The following HLA-G variants were observed in gnomAD, a reference collection of about 807,000 sequenced individuals.
HLA-G encodes major histocompatibility complex, class I, G.
HLA-G carries 34 observed loss-of-function variants against 39.3 expected under a neutral mutation model. The ratio of observed to expected loss-of-function variants is 0.86; its 90% confidence interval spans 0.66 to 1.15. The LOEUF (loss-of-function observed/expected upper bound fraction) is 1.15. HLA-G is among the 50% of genes most tolerant of loss of function. HLA-G has a pLI of 0.00. For missense variants in HLA-G, 419 were observed against 456.4 expected (o/e 0.92, Z 0.75); for synonymous variants, 183 against 185.8 (o/e 0.99, Z 0.12).
chr6:29,827,037 G>A, upstream of HLA-G: 1 of 525,998 alleles, frequency 1.9e-6, no homozygotes, highest in Non-Finnish European at 3.9e-6. Context: ...TAGGGCTACG[G>A]AATGAAGGTA....
rs775674432 is a variant in HLA-G, at chr6:29,829,581, G to A, written c.783G>A (p.Gly261=). Residue 261 remains glycine, a synonymous_variant, in exon 4 of 7, where the codon GGG becomes GGA. Coordinates refer to ENST00000360323, the MANE Select transcript of HLA-G (RefSeq NM_001384290.1). ...DVELVETRPA[G]DGTFQKWAAV... is the part of the protein sequence containing the mutation. Reference sequence around the variant, plus strand: ...AGCTCGTGGAGACCAGGCCTGCAGGGGATGGAACCTTCCAGAAGTGGGCAG... The same window carrying A: ...AGCTCGTGGAGACCAGGCCTGCAGGAGATGGAACCTTCCAGAAGTGGGCAG... The A allele has an allele frequency of 1.2e-6, 2 of 1,613,970 alleles. No individual in the cohort carries two copies. Among genetic ancestry groups the A allele is most frequent in the South Asian group, 2.2e-5 (2 of 91,082 alleles).
chr6:29,826,636 A>G (rs1407040867), upstream of HLA-G, among the ~76,000 whole-genome samples: 2 of 152,194 alleles, frequency 1.3e-5, no homozygotes, highest in Non-Finnish European at 2.9e-5. Flanking sequence ...AGGTGAGGAA[A>G]AGGAGCAGAG....
upstream of HLA-G, chr6:29,827,729 C>T: frequency 1.9e-6 from 2 of 1,056,442 alleles, no homozygotes; most frequent in Admixed American, 1.9e-5. Flanking sequence ...CCGGGCGGCC[C>T]CAGTTCTCAC....
chr6:29,828,355 ACC>A, intron 2 of HLA-G, 39 bp downstream of exon 2: 2 of 1,575,264 alleles, frequency 1.3e-6, no homozygotes, highest in East Asian at 2.3e-5. Context: ...CACGACCCCC[ACC>A]TCCATGCCCC....
intron 2 of HLA-G, 80 bp from the exon 3 acceptor site, chr6:29,828,463 G>T: frequency 6.4e-7 from 1 of 1,564,736 alleles, no homozygotes; most frequent in Admixed American, 1.8e-5. Flanking sequence ...ACCCCAAGGC[G>T]CCTTTACCAA....
chr6:29,826,666 A>G (rs1736935), upstream of HLA-G, among the ~76,000 whole-genome samples: 82,517 of 151,988 alleles, frequency 0.54, 22,823 homozygotes, highest in South Asian at 0.69. Context: ...CCAAAGCAGC[A>G]GAACTCTTAG....
intron 2 of HLA-G, 32 bp downstream of exon 2, chr6:29,828,348 G>A: frequency 6.4e-7 from 1 of 1,555,460 alleles, no homozygotes. Context: ...AGCAGATCAC[G>A]ACCCCCACCT....
Position 29,828,762 on chromosome 6 carries a change from G to C in HLA-G, c.563G>C (p.Cys188Ser). The C allele has an allele frequency of 6.2e-7, 1 of 1,614,086 alleles. No homozygotes were observed. Among genetic ancestry groups the C allele is most frequent in the South Asian group, 1.1e-5 (1 of 91,090 alleles). ...AGGAGAGCCTACCTGGAGGGCACGT[G>C]CGTGGAGTGGCTCCACAGATACCTG... ...EQRRAYLEGT[C>S]VEWLHRYLEN... Residue 188 changes from cysteine to serine, a missense_variant, in exon 3 of 7, where the codon TGC becomes TCC. By Grantham distance (112) the Cys-to-Ser change is moderately radical. Coordinates refer to ENST00000360323, the MANE Select transcript of HLA-G (RefSeq NM_001384290.1).
chr6:29,826,573 G>C (rs1385034352), upstream of HLA-G, among the ~76,000 whole-genome samples: 1 of 152,226 alleles, frequency 6.6e-6, no homozygotes, highest in African/African-American at 2.4e-5. Flanking sequence ...GGATTAAGGG[G>C]AGAAGAGGGC....
intron 5 of HLA-G, 100 bp downstream of exon 5, chr6:29,830,032 A>C: frequency 2.3e-6 from 2 of 863,586 alleles, no homozygotes; most frequent in Non-Finnish European, 3.8e-6. Context: ...GGGAAGCACC[A>C]TCCACACTCA....
Position 29,829,872 on chromosome 6 carries a change from C to T in HLA-G, c.952C>T (p.Leu318Phe). Reference sequence around the variant, plus strand: ...GGGTATCGTTGCTGGCCTGGTTGTCCTTGCAGCTGTAGTCACTGGAGCTGC... The same window carrying T: ...GGGTATCGTTGCTGGCCTGGTTGTCTTTGCAGCTGTAGTCACTGGAGCTGC... ...IMGIVAGLVVLAAVVTGAAVA... is the reference protein window; with the variant it reads ...IMGIVAGLVVFAAVVTGAAVA... The change falls in exon 5 of 7, where the codon CTT becomes TTT. Residue 318 changes from leucine to phenylalanine, a missense_variant. This residue lies in a region of HLA-G where 328 missense variants were observed against 323.0 expected (regional missense o/e 1.02). Coordinates refer to ENST00000360323, the MANE Select transcript of HLA-G (RefSeq NM_001384290.1). 1 of 1,614,058 alleles carries T rather than the reference C, an allele frequency of 6.2e-7. No individual in the cohort carries two copies. Among genetic ancestry groups the T allele is most frequent in the Non-Finnish European group, 8.5e-7 (1 of 1,179,980 alleles).
chr6:29,827,561 G>A (rs548611139), upstream of HLA-G: 32 of 451,378 alleles, frequency 7.1e-5, no homozygotes, highest in Admixed American at 6.4e-4. Flanking sequence ...AGAACGCTTG[G>A]CACAAGAGTA....
At chr6:29,830,589 C>T (rs1458550686) in intron 6 of HLA-G, 179 bp downstream of exon 6, 42 of 763,436 alleles carry the variant, frequency 5.5e-5, no homozygotes, top group African/African-American at 3.6e-4. Flanking sequence ...GTGTCTCTCA[C>T]GGCTTGTAAA....
In HLA-G at chr6:29,830,489, C is replaced by T. The variant is rs1212789079; in HGVS notation, c.*28+79C>T. The T allele has an allele frequency of 2.4e-6, 3 of 1,232,120 alleles. No homozygotes were observed. In the African/African-American group the frequency reaches 4.5e-5, roughly 18 times the overall value. The allele number at this position is 1,232,120 out of a possible 1,614,324, so 76.3% of individuals were successfully genotyped here. A position where few individuals can be genotyped will look rare whatever the true frequency, so the allele number is the denominator to read the frequency against. On this transcript the variant is annotated intron_variant, in intron 6 of 6. Transcript: ENST00000360323. ...CCCATGGGGGAGCTCACCCACCCCA[C>T]AATTCCTCCTCTGGCCACATCTCCT...
chr6:29,828,722 A>G lies in HLA-G; in HGVS notation c.523A>G (p.Asn175Asp). Residue 175 changes from asparagine to aspartate, a missense_variant, in exon 3 of 7, where the codon AAT (asparagine) becomes GAT (aspartate). Around this residue, in one of 2 missense-constraint regions of HLA-G, gnomAD observed 328 missense variants for 323.0 expected, o/e 1.02. Coordinates refer to ENST00000360323, the MANE Select transcript of HLA-G (RefSeq NM_001384290.1). Reference sequence around the variant, plus strand: ...CTCCAAGCGCAAGTGTGAGGCGGCCAATGTGGCTGAACAAAGGAGAGCCTA... The same window carrying G: ...CTCCAAGCGCAAGTGTGAGGCGGCCGATGTGGCTGAACAAAGGAGAGCCTA... Reference protein sequence around the residue: ...QISKRKCEAANVAEQRRAYLE... With the variant: ...QISKRKCEAADVAEQRRAYLE... 2 of 1,613,772 alleles carry G rather than the reference A, an allele frequency of 1.2e-6. No homozygotes were observed. Among genetic ancestry groups the G allele is most frequent in the Non-Finnish European group, 1.7e-6 (2 of 1,180,016 alleles).
upstream of HLA-G, chr6:29,827,806 C>T (rs1381240392): frequency 6.3e-7 from 1 of 1,591,160 alleles, no homozygotes; most frequent in East Asian, 2.2e-5. Context: ...CTAAAGTCCT[C>T]GCTCACCCAC....
chr6:29,830,319 C>CT, intron 5 of HLA-G, 59 bp from the exon 6 acceptor site: 3 of 1,590,980 alleles, frequency 1.9e-6, no homozygotes, highest in Non-Finnish European at 2.6e-6. Context: ...GGAGGTTCCT[C>CT]TAGGACCTCA....
At chr6:29,826,687 A>G (rs776173475), upstream of HLA-G, among the ~76,000 whole-genome samples, 2 of 152,200 alleles carry the variant, frequency 1.3e-5, no homozygotes, top group Non-Finnish European at 2.9e-5. Flanking sequence ...GTTTAAACAC[A>G]TTGTTTTATA....
At chr6:29,829,178 G>A (rs1284901148) in intron 3 of HLA-G, among the ~76,000 whole-genome samples, 16 of 151,996 alleles carry the variant, frequency 1.1e-4, no homozygotes, top group Non-Finnish European at 1.5e-5. Context: ...CAGCTCCTCT[G>A]AGTCCCTTGG....
Sources: allele counts gnomAD v4.1 joint callset (sites outside exome capture counted in the v4.1 genomes callset), GRCh38; gene constraint gnomAD v4.1.1; regional missense constraint gnomAD v4.1.1; transcripts MANE v1.5; gene names NCBI Gene and HGNC (gene_info 2026-07-23, HGNC 2026-07-21).